The following CSMD1 variants were observed in gnomAD, a reference collection of about 807,000 sequenced individuals.
CSMD1 encodes CUB and Sushi multiple domains 1, also known as CUB and sushi domain-containing protein 1.
Under a neutral mutation model 417.5 loss-of-function variants are expected in CSMD1, and 213 were observed. That is an observed-to-expected ratio of 0.51 (90% CI 0.46 to 0.57). The LOEUF (loss-of-function observed/expected upper bound fraction) is 0.57, where lower values mean the gene tolerates loss of function less well. Ranked by LOEUF, CSMD1 falls within the 20% of genes least tolerant of loss-of-function variation. The pLI, the probability that CSMD1 is intolerant of heterozygous loss-of-function variation, is 0.00. For missense variants in CSMD1, 6,923 were observed against 4,529.7 expected (o/e 1.53, Z -15.17); for synonymous variants, 2,862 against 1,736.8 (o/e 1.65, Z -16.11).
intron 2 of CSMD1, among the ~76,000 whole-genome samples, chr8:4,440,094 A>T (rs905648483): frequency 6.6e-6 from 1 of 152,322 alleles, no homozygotes; most frequent in East Asian, 1.9e-4. Context: ...GTGTTAGGAT[A>T]TTGGAAAAGA....
At chr8:3,538,510 G>A (rs1798300908) in intron 10 of CSMD1, among the ~76,000 whole-genome samples, 1 of 152,158 alleles carries the variant, frequency 6.6e-6, no homozygotes, top group Non-Finnish European at 1.5e-5. Context: ...TGCCTCACCT[G>A]AGATGCCCCA....
chr8:4,237,228 G>A (rs984920984), intron 3 of CSMD1, among the ~76,000 whole-genome samples: 6 of 152,070 alleles, frequency 3.9e-5, no homozygotes, highest in East Asian at 3.9e-4. Context: ...AATTTTTTCC[G>A]AAGTAGACGT....
At chr8:4,804,740 A>C (rs1383861290) in intron 1 of CSMD1, among the ~76,000 whole-genome samples, 1 of 152,198 alleles carries the variant, frequency 6.6e-6, no homozygotes, top group African/African-American at 2.4e-5. Context: ...AAATGCCTGC[A>C]AGCCTTCAAG....
rs77976039 is a variant in CSMD1, at chr8:4,354,223, C to T, written c.415+65730G>A. Among the ~76,000 whole-genome samples the T allele has an allele frequency of 7.7e-3, 1,168 of 152,236 alleles. 15 individuals are homozygous for T. The highest frequency in any genetic ancestry group is 0.025 in the African/African-American group (1,052 of 41,532). On this transcript the variant is annotated intron_variant, in intron 3 of 69. Transcript: ENST00000635120. ...TCAGAGATTACCACCCTGAGCCTTC[C>T]GATATTTCCACCTTACCAACAACAT...
In CSMD1 at chr8:3,826,855, T is replaced by C. The variant is rs941310604; in HGVS notation, c.819-72813A>G. On this transcript the variant is annotated intron_variant, in intron 5 of 69. Transcript: ENST00000635120. Reference sequence around the variant, plus strand: ...AGGCTGCAGTGTAGTGGTGTGATCATAGCTCACTGCAGCATCGGCCTCCTG... The same window carrying C: ...AGGCTGCAGTGTAGTGGTGTGATCACAGCTCACTGCAGCATCGGCCTCCTG... Among the ~76,000 whole-genome samples, 10 of 152,292 alleles carry C rather than the reference T, an allele frequency of 6.6e-5. No individual in the cohort carries two copies. The South Asian group carries it at 1.2e-3, about 19-fold the overall frequency.
rs144005697 is a variant in CSMD1, at chr8:3,061,983, G to A, written c.7475-9336C>T. Among the ~76,000 whole-genome samples, 351 of 152,166 alleles carry A rather than the reference G, an allele frequency of 2.3e-3. 1 individual carries two copies. Among genetic ancestry groups the A allele is most frequent in the African/African-American group, 8.1e-3 (336 of 41,514 alleles). On this transcript the variant is annotated intron_variant, in intron 49 of 69. Coordinates refer to ENST00000635120, the MANE Select transcript of CSMD1 (RefSeq NM_033225.6). Reference sequence around the variant, plus strand: ...TGCCTTTCAGTTACTCTCCTGTGCTGTCTCTGGGCTACACCTGACTTATTT... The same window carrying A: ...TGCCTTTCAGTTACTCTCCTGTGCTATCTCTGGGCTACACCTGACTTATTT...
intron 1 of CSMD1, among the ~76,000 whole-genome samples, chr8:4,717,554 C>CTATG (rs1808757106): frequency 2.3e-5 from 3 of 130,950 alleles, no homozygotes; most frequent in African/African-American, 1.0e-4. Flanking sequence ...GTCTACCTAT[C>CTATG]TATCTATCTA....
At chr8:4,967,127 T>G (rs975361304) in intron 1 of CSMD1, among the ~76,000 whole-genome samples, 1 of 152,112 alleles carries the variant, frequency 6.6e-6, no homozygotes, top group South Asian at 2.1e-4. Flanking sequence ...AAAATCAGGG[T>G]TCATTCAAAG....
chr8:4,033,408 C>G (rs912247060), intron 3 of CSMD1, among the ~76,000 whole-genome samples: 2 of 152,158 alleles, frequency 1.3e-5, no homozygotes, highest in Non-Finnish European at 2.9e-5. Context: ...CACCACTGCA[C>G]TCCAGCGTGG....
At chr8:3,428,353 G>T (rs1034124249) in intron 12 of CSMD1, among the ~76,000 whole-genome samples, 1 of 152,152 alleles carries the variant, frequency 6.6e-6, no homozygotes, top group Non-Finnish European at 1.5e-5. Context: ...AACTCTTGCA[G>T]CTTATGCCAA....
intron 27 of CSMD1, among the ~76,000 whole-genome samples, chr8:3,225,720 G>C (rs1274552530): frequency 6.6e-6 from 1 of 152,188 alleles, no homozygotes; most frequent in Non-Finnish European, 1.5e-5. Flanking sequence ...ACTGATCCCA[G>C]GAGGCACTTT....
chr8:3,289,418 T>C (rs1398231451), intron 25 of CSMD1, among the ~76,000 whole-genome samples: 1 of 147,408 alleles, frequency 6.8e-6, no homozygotes, highest in African/African-American at 2.7e-5. Flanking sequence ...TTCACAATGG[T>C]TGAACTAGTT....
At chr8:4,657,496 A>G (rs955474654) in intron 1 of CSMD1, among the ~76,000 whole-genome samples, 1 of 152,228 alleles carries the variant, frequency 6.6e-6, no homozygotes, top group African/African-American at 2.4e-5. Context: ...AACATTAGTT[A>G]AAGGGACAAA....
intron 12 of CSMD1, among the ~76,000 whole-genome samples, chr8:3,450,689 C>T (rs35128910): frequency 0.4 from 60,307 of 151,752 alleles, 12,847 homozygotes; most frequent in Middle Eastern, 0.5. Flanking sequence ...GTATATGTGC[C>T]GCATTTTCTT....
At chr8:3,648,422 C>A (rs191365258) in intron 7 of CSMD1, among the ~76,000 whole-genome samples, 1 of 152,150 alleles carries the variant, frequency 6.6e-6, no homozygotes, top group South Asian at 2.1e-4. Context: ...AATGATGCAA[C>A]TCAAATTGAG....
intron 3 of CSMD1, among the ~76,000 whole-genome samples, chr8:4,314,201 A>T (rs1471785803): frequency 2.0e-5 from 3 of 152,138 alleles, no homozygotes; most frequent in South Asian, 2.1e-4. Context: ...CATTATTTTC[A>T]AGACTGCAGT....
intron 2 of CSMD1, among the ~76,000 whole-genome samples, chr8:4,578,813 CAA>C (rs754048973): frequency 4.9e-5 from 4 of 81,442 alleles, no homozygotes; most frequent in East Asian, 3.5e-4. Flanking sequence ...GACTCCACCT[CAA>C]AAAAAAAAAA....
intron 26 of CSMD1, among the ~76,000 whole-genome samples, chr8:3,268,124 T>C (rs959877193): frequency 2.0e-5 from 3 of 151,914 alleles, no homozygotes; most frequent in African/African-American, 7.3e-5. Flanking sequence ...ACGGGATATT[T>C]GTAGGTGAAT....
intron 1 of CSMD1, among the ~76,000 whole-genome samples, chr8:4,850,382 C>CTTTTTTTTTTTT: frequency 2.2e-4 from 17 of 77,832 alleles, no homozygotes; most frequent in East Asian, 5.2e-4. Context: ...TCCAATTTAT[C>CTTTTTTTTTTTT]TTTTTTTTTT....
Sources: allele counts gnomAD v4.1 joint callset (sites outside exome capture counted in the v4.1 genomes callset), GRCh38; gene constraint gnomAD v4.1.1; transcripts MANE v1.5; gene names NCBI Gene and HGNC (gene_info 2026-07-23, HGNC 2026-07-21).